The following HNF4G variants were observed in gnomAD, a reference collection of about 807,000 sequenced individuals.
HNF4G encodes the protein hepatocyte nuclear factor 4 gamma.
A neutral mutation model predicts 50.9 loss-of-function variants in HNF4G; 21 were observed. The ratio of observed to expected loss-of-function variants is 0.41; its 90% CI spans 0.29 to 0.59. The LOEUF is 0.59. HNF4G is among the 20% of genes least tolerant of loss of function. The probability of loss-of-function intolerance (pLI) is 0.26; values close to 1 mark genes in which losing one functional copy is unlikely to be tolerated. For missense variants in HNF4G, 527 were observed against 559.4 expected, an observed-to-expected ratio of 0.94 and a Z score of 0.58; for synonymous variants, 198 against 185.6, an observed-to-expected ratio of 1.07 and a Z score of -0.54.
chr8:75,477,895 A>AG (rs1394565608), intron 1 of HNF4G, among the ~76,000 whole-genome samples: 1 of 152,124 alleles, frequency 6.6e-6, no homozygotes, highest in Non-Finnish European at 1.5e-5. Flanking sequence ...TGAACCCAGG[A>AG]GGGGGAGGCT....
At chr8:75,514,370 CTT>C (rs570442907) in intron 2 of HNF4G, among the ~76,000 whole-genome samples, 5 of 62,048 alleles carry the variant, frequency 8.1e-5, no homozygotes, top group Non-Finnish European at 1.4e-4. Context: ...TTTTTTCTTT[CTT>C]TTTTTTTTTT....
intron 6 of HNF4G, among the ~76,000 whole-genome samples, chr8:75,557,531 G>A (rs1807167620): frequency 6.6e-6 from 1 of 152,182 alleles, no homozygotes; most frequent in African/African-American, 2.4e-5. Context: ...TGAGACATGA[G>A]AATCACTTGA....
intron 2 of HNF4G, among the ~76,000 whole-genome samples, chr8:75,516,891 T>C (rs1247434858): frequency 1.3e-5 from 2 of 152,188 alleles, no homozygotes; most frequent in Non-Finnish European, 2.9e-5. Flanking sequence ...TTCATTTTAC[T>C]TAATGATTAT....
At chr8:75,459,899 T>G (rs961493245) in intron 1 of HNF4G, among the ~76,000 whole-genome samples, 8 of 151,892 alleles carry the variant, frequency 5.3e-5, no homozygotes, top group Non-Finnish European at 1.0e-4. Context: ...AAATGGAAAA[T>G]CATACACCAT....
chr8:75,529,257 C>G (rs894494438), intron 2 of HNF4G, among the ~76,000 whole-genome samples: 17 of 152,092 alleles, frequency 1.1e-4, no homozygotes, highest in African/African-American at 3.9e-4. Context: ...CGCCACTGCA[C>G]TCCAGCCTGG....
At chr8:75,489,423 C>T (rs951026669) in intron 1 of HNF4G, among the ~76,000 whole-genome samples, 3 of 152,156 alleles carry the variant, frequency 2.0e-5, no homozygotes, top group Admixed American at 1.3e-4. Flanking sequence ...AACTGAACCT[C>T]ATCTTCTCAT....
At chr8:75,514,700 A>C (rs997608761) in intron 2 of HNF4G, among the ~76,000 whole-genome samples, 14 of 152,280 alleles carry the variant, frequency 9.2e-5, no homozygotes, top group Admixed American at 5.2e-4. Context: ...TTTTTAAATA[A>C]ATAAAGCAGG....
At chr8:75,500,492 A>G (rs1812899239) in intron 2 of HNF4G, among the ~76,000 whole-genome samples, 1 of 152,170 alleles carries the variant, frequency 6.6e-6, no homozygotes, top group Non-Finnish European at 1.5e-5. Flanking sequence ...GAGTTACCAT[A>G]TGATCTAGCA....
intron 1 of HNF4G, among the ~76,000 whole-genome samples, chr8:75,475,237 T>C (rs952085285): frequency 1.3e-5 from 2 of 151,900 alleles, no homozygotes; most frequent in African/African-American, 4.8e-5. Context: ...CTCAATCTCT[T>C]GACCTCGTGA....
At chr8:75,471,278 A>G (rs1025469254) in intron 1 of HNF4G, among the ~76,000 whole-genome samples, 2 of 152,188 alleles carry the variant, frequency 1.3e-5, no homozygotes, top group Non-Finnish European at 2.9e-5. Context: ...ACAGAAAAGC[A>G]GGCATATGTA....
chr8:75,410,117 T>G (rs1289079100), intron 1 of HNF4G, among the ~76,000 whole-genome samples: 1 of 152,214 alleles, frequency 6.6e-6, no homozygotes, highest in Admixed American at 6.5e-5. Flanking sequence ...CCAGTGTCCC[T>G]CAGAATATTC....
intron 1 of HNF4G, among the ~76,000 whole-genome samples, chr8:75,443,181 C>T (rs1648068046): frequency 1.3e-5 from 2 of 152,112 alleles, no homozygotes; most frequent in African/African-American, 4.8e-5. Flanking sequence ...TGGGCCTTCA[C>T]CAGACACCAA....
At chr8:75,500,892 T>C (rs2130704413) in intron 2 of HNF4G, among the ~76,000 whole-genome samples, 1 of 152,256 alleles carries the variant, frequency 6.6e-6, no homozygotes, top group East Asian at 1.9e-4. Flanking sequence ...TAATGTATAT[T>C]GGTTTTTTGA....
chr8:75,490,504 C>G (rs1812601367), intron 2 of HNF4G, among the ~76,000 whole-genome samples: 1 of 152,080 alleles, frequency 6.6e-6, no homozygotes, highest in African/African-American at 2.4e-5. Flanking sequence ...GAGCCTGGCA[C>G]TGGGCACTTA....
chr8:75,442,923 C>T (rs78625109), intron 1 of HNF4G, among the ~76,000 whole-genome samples: 5 of 152,048 alleles, frequency 3.3e-5, no homozygotes, highest in Admixed American at 2.0e-4. Flanking sequence ...CAGGAATGCT[C>T]AATCTCACAC....
intron 2 of HNF4G, among the ~76,000 whole-genome samples, chr8:75,495,756 T>A (rs1175476011): frequency 6.6e-6 from 1 of 152,144 alleles, no homozygotes; most frequent in East Asian, 1.9e-4. Flanking sequence ...CAGTCTGGTC[T>A]CGAACTCCTG....
At chr8:75,413,538 T>C (rs955153157) in intron 1 of HNF4G, among the ~76,000 whole-genome samples, 28 of 152,256 alleles carry the variant, frequency 1.8e-4, no homozygotes, top group African/African-American at 6.3e-4. Context: ...AACAACTCTT[T>C]CCTAAAGTTC....
In HNF4G at chr8:75,556,262, C is replaced by T. The variant is rs148921321; in HGVS notation, c.733+193C>T. ...CCTTGACTGTATGTAAGTTCAGAGT[C>T]CATGAGACAATCAGGGAGCATTAAG... On this transcript the variant is annotated intron_variant, in intron 6 of 9. Transcript: ENST00000396423. 6.9e-3 allele frequency among the ~76,000 whole-genome samples: 1,048 copies of T among 151,730 alleles called. 6 individuals carry two copies. The highest frequency in any genetic ancestry group is 0.061 in the Middle Eastern group (18 of 294).
At chr8:75,556,578 G>A (rs1050457207) in intron 6 of HNF4G, among the ~76,000 whole-genome samples, 1 of 152,112 alleles carries the variant, frequency 6.6e-6, no homozygotes, top group African/African-American at 2.4e-5. Flanking sequence ...AAGAGGCTAA[G>A]GAAGGATAAT....
Sources: allele counts gnomAD v4.1 joint callset (sites outside exome capture counted in the v4.1 genomes callset), GRCh38; gene constraint gnomAD v4.1.1; transcripts MANE v1.5; gene names NCBI Gene and HGNC (gene_info 2026-07-23, HGNC 2026-07-21).